Variants in CUL7 observed in about 807,000 individuals in gnomAD.
CUL7 encodes the protein cullin 7, also known as cullin-7.
In CUL7, 96 loss-of-function variants were observed where a neutral mutation model predicts 177.7. The ratio of observed to expected loss-of-function variants is 0.54; its 90% CI spans 0.46 to 0.64. CUL7 has a LOEUF of 0.64. Among genes scored for constraint, CUL7 ranks in the 30% least tolerant of loss-of-function variants. The pLI is 0.00. For missense variants in CUL7, 1,893 were observed against 2,187.9 expected, an observed-to-expected ratio of 0.87 and a Z score of 2.69; for synonymous variants, 824 against 890.2, an observed-to-expected ratio of 0.93 and a Z score of 1.32.
Position 43,052,903 on chromosome 6 carries a change from G to A in CUL7, c.-8-107C>T. Reference sequence around the variant, plus strand: ...GCAAATGGCAACAGCTGTCAGGCGGGGTGGGGTAAAGCCAGGCCCAGGAGT... The same window carrying A: ...GCAAATGGCAACAGCTGTCAGGCGGAGTGGGGTAAAGCCAGGCCCAGGAGT... On this transcript the variant is annotated intron_variant, in intron 1 of 25. Coordinates refer to ENST00000265348, the MANE Select transcript of CUL7 (RefSeq NM_014780.5). The surrounding 1 kb of genome is among the most constrained non-coding windows in gnomAD (Gnocchi z 4.5). The A allele has an allele frequency of 8.0e-7, 1 of 1,251,010 alleles. No individual in the cohort carries two copies. The highest frequency in any genetic ancestry group is 1.1e-6 in the Non-Finnish European group (1 of 889,206). 77.5% of individuals were successfully genotyped at this position (1,251,010 alleles called of 1,614,324 possible). A position where few individuals can be genotyped will look rare whatever the true frequency, so the allele number is the denominator to read the frequency against.
chr6:43,043,367 G>T lies in CUL7; in HGVS notation c.3355+81C>A. The T allele has an allele frequency of 1.4e-6, 2 of 1,420,818 alleles. No homozygotes were observed. The highest frequency in any genetic ancestry group is 9.9e-7 in the Non-Finnish European group (1 of 1,008,286). The allele number at this position is 1,420,818 out of a possible 1,614,324, so 88.0% of individuals were successfully genotyped here. On this transcript the variant is annotated intron_variant, in intron 17 of 25. Coordinates refer to ENST00000265348, the MANE Select transcript of CUL7 (RefSeq NM_014780.5). The surrounding 1 kb of genome is among the most constrained non-coding windows in gnomAD (Gnocchi z 4.2). ...CCATAGGGAGGGGAAGGATGGGGATGGACAGAAGCCTGTGGTGTACACATG... is the reference window on the plus strand; with the variant it reads ...CCATAGGGAGGGGAAGGATGGGGATTGACAGAAGCCTGTGGTGTACACATG...
At chr6:43,042,634 C>T (rs1032052682) in intron 19 of CUL7, among the ~76,000 whole-genome samples, 168 bp downstream of exon 19, 5 of 152,238 alleles carry the variant, frequency 3.3e-5, no homozygotes, top group Non-Finnish European at 5.9e-5. Flanking sequence ...AGCCACCACA[C>T]CTGGCCACTA....
At position 43,044,813 on chromosome 6, in the gene CUL7, A is replaced by C; in HGVS notation, c.3111T>G (p.Ala1037=). 1 of 1,613,954 alleles carries C rather than the reference A, an allele frequency of 6.2e-7. No individual in the cohort carries two copies. Among genetic ancestry groups the C allele is most frequent in the South Asian group, 1.1e-5 (1 of 91,066 alleles). ...GGGCCTCCCAGCAGGTCTTGCCCAG[A>C]GCTTGGGCAGCCTCGTCATCAGGGA... ...RFLPDDEAAQ[A]LGKTCWEALV... The change falls in exon 16 of 26, where the codon GCT becomes GCG. Residue 1037 remains alanine (A), a synonymous_variant. Transcript: ENST00000265348.
At chr6:43,042,337 G>GT (rs990850609) in intron 19 of CUL7, among the ~76,000 whole-genome samples, 3 of 151,512 alleles carry the variant, frequency 2.0e-5, no homozygotes, top group Non-Finnish European at 2.9e-5. Context: ...GGGTTTTTTT[G>GT]TTTTTTTCTT....
In CUL7 at chr6:43,045,115, C is replaced by T; in HGVS notation, c.3038+112G>A. On this transcript the variant is annotated intron_variant, in intron 15 of 25. Transcript: ENST00000265348. The surrounding 1 kb of genome is among the most constrained non-coding windows in gnomAD (Gnocchi z 4.8). ...AGCTCAGAAAACTCCAGCCCCCTCC[C>T]CACGCATATTAAACCTCCATCTCAC... 7.0e-6 allele frequency: 10 copies of T among 1,424,778 alleles called. No individual in the cohort carries two copies. Among genetic ancestry groups the T allele is most frequent in the Non-Finnish European group, 9.6e-6 (10 of 1,037,242 alleles). The allele number at this position is 1,424,778 out of a possible 1,614,324, so 88.3% of individuals were successfully genotyped here. A position where few individuals can be genotyped will look rare whatever the true frequency, so the allele number is the denominator to read the frequency against.
In CUL7 at chr6:43,046,083, G is replaced by A; in HGVS notation, c.2669C>T (p.Thr890Ile). 1 of 1,614,144 alleles carries A rather than the reference G, an allele frequency of 6.2e-7. No homozygotes were observed. Among genetic ancestry groups the A allele is most frequent in the African/African-American group, 1.3e-5 (1 of 75,048 alleles). Residue 890 changes from threonine to isoleucine, a missense_variant, in exon 13 of 26, where the codon ACT (threonine) becomes ATT (isoleucine). Thr to Ile is a moderately conservative substitution (Grantham distance 89). This residue lies in a region of CUL7 where 973 missense variants were observed against 1,140.9 expected (regional missense o/e 0.85). Coordinates refer to ENST00000265348, the MANE Select transcript of CUL7 (RefSeq NM_014780.5). Reference sequence around the variant, plus strand: ...CGAGTCCTCACTAGCCACAAGCAGAGTCAGTTGCCTGGGAGTGGGGAGGAA... The same window carrying A: ...CGAGTCCTCACTAGCCACAAGCAGAATCAGTTGCCTGGGAGTGGGGAGGAA... Reference protein sequence around the residue: ...MRRGILIRQLTLLVASEDSSY... With the variant: ...MRRGILIRQLILLVASEDSSY...
chr6:43,046,937 C>T lies in CUL7; in HGVS notation c.2340G>A (p.Glu780=). The stretch of plus-strand genomic sequence containing the variant: ...GTTTGCGGTAGAGGTGGGCATGCTT[C>T]TCACACTTGAACACCATGTCCCGCA... ...QELRDMVFKC[E]KHAHLYRKLI... Residue 780 remains glutamate, a synonymous_variant, in exon 10 of 26, where the codon GAG becomes GAA. Transcript: ENST00000265348. 1 of 1,613,636 alleles carries T rather than the reference C, an allele frequency of 6.2e-7. No homozygotes were observed. Among genetic ancestry groups the T allele is most frequent in the Non-Finnish European group, 8.5e-7 (1 of 1,179,552 alleles).
rs1447755489 is a variant in CUL7 at position 43,043,760 on chromosome 6, G to C, written c.3173-130C>G. On this transcript the variant is annotated intron_variant, in intron 16 of 25. Transcript: ENST00000265348. This position sits in a 1 kb window ranked among gnomAD's most constrained non-coding sequence, Gnocchi z 4.2. ...ACAAGGAAGGGGGGCCAGGTAGGGT[G>C]GTTTACGCCTGTAATCCCAGCACTT... The C allele has an allele frequency of 4.1e-6, 3 of 723,568 alleles. No individual in the cohort carries two copies. The highest frequency in any genetic ancestry group is 3.5e-5 in the African/African-American group (2 of 57,474). The allele number at this position is 723,568 out of a possible 1,614,324, so 44.8% of individuals were successfully genotyped here.
Position 43,043,316 on chromosome 6 carries a change from A to C in CUL7, c.3355+132T>G. ...TGATGTTCATGGATGGAGGTGACAC[A>C]AACCTGGAAGATGAACAGGCTGAGC... On this transcript the variant is annotated intron_variant, in intron 17 of 25. Coordinates refer to ENST00000265348, the MANE Select transcript of CUL7 (RefSeq NM_014780.5). This position sits in a 1 kb window ranked among gnomAD's most constrained non-coding sequence, Gnocchi z 4.2. 6 of 1,214,490 alleles carry C rather than the reference A, an allele frequency of 4.9e-6. No homozygotes were observed. The allele number at this position is 1,214,490 out of a possible 1,614,324, so 75.2% of individuals were successfully genotyped here. A position where few individuals can be genotyped will look rare whatever the true frequency, so the allele number is the denominator to read the frequency against.
chr6:43,042,648 A>T (rs757396777), intron 19 of CUL7, among the ~76,000 whole-genome samples, 154 bp downstream of exon 19: 2 of 151,842 alleles, frequency 1.3e-5, no homozygotes, highest in Non-Finnish European at 2.9e-5. Flanking sequence ...GCCACTATTT[A>T]TTTTTTTCAA....
rs752053486 is a variant in CUL7 at position 43,046,291 on chromosome 6, C to T, written c.2605G>A (p.Gly869Ser). ...GTGATGTAGTGGGAGCCGGCGCTGC[C>T]GTTGGACTCCCAATAGGTCTTGGGG... is the stretch of plus-strand genomic sequence containing the variant. Reference protein sequence around the residue: ...HNPKTYWESNGSAGSHYITLH... With the variant: ...HNPKTYWESNSSAGSHYITLH... Residue 869 changes from glycine (G) to serine (S), a missense_variant, in exon 12 of 26, where the codon GGC (glycine) becomes AGC (serine). Gly to Ser is a moderately conservative substitution (Grantham distance 56). Coordinates refer to ENST00000265348, the MANE Select transcript of CUL7 (RefSeq NM_014780.5). The T allele has an allele frequency of 1.3e-5, 21 of 1,614,056 alleles. No homozygotes were observed. Among genetic ancestry groups the T allele is most frequent in the Middle Eastern group, 1.6e-4 (1 of 6,074 alleles).
chr6:43,037,988 G>T lies in CUL7; in HGVS notation c.4797C>A (p.Gly1599=). 1 of 1,594,212 alleles carries T rather than the reference G, an allele frequency of 6.3e-7. No homozygotes were observed. Among genetic ancestry groups the T allele is most frequent in the South Asian group, 1.1e-5 (1 of 87,858 alleles). Residue 1599 remains glycine (G), a synonymous_variant, in exon 26 of 26, where the codon GGC becomes GGA. Transcript: ENST00000265348. The part of the protein sequence containing the change: ...VCLVLEAWQK[G]PCPPRGLVSS... The stretch of plus-strand genomic sequence containing the variant: ...TGACCAAACCCCTGGGAGGACACGG[G>T]CCCTTCTGCCAAGCCTCCAGCACCT...
rs377606153 is a variant in CUL7, at chr6:43,052,161, G to A, written c.580+48C>T. On this transcript the variant is annotated intron_variant, in intron 2 of 25. Coordinates refer to ENST00000265348, the MANE Select transcript of CUL7 (RefSeq NM_014780.5). The surrounding 1 kb of genome is among the most constrained non-coding windows in gnomAD (Gnocchi z 4.5). ...ACAGTGTCCTGTGAGTCCCTGAGCCGACCCAGCCCTTCTCCTGCTTTCCCT... is the reference window on the plus strand; with the variant it reads ...ACAGTGTCCTGTGAGTCCCTGAGCCAACCCAGCCCTTCTCCTGCTTTCCCT... 70 of 1,608,996 alleles carry A rather than the reference G, an allele frequency of 4.4e-5. No homozygotes were observed. The Middle Eastern group carries it at 1.6e-3, about 38-fold the overall frequency.
intron 25 of CUL7, 86 bp downstream of exon 25, chr6:43,038,181 C>T (rs991740222): frequency 3.3e-6 from 5 of 1,530,694 alleles, no homozygotes; most frequent in Non-Finnish European, 4.5e-6. Context: ...CCAGGTGCCT[C>T]ACCACACGTG....
In CUL7 at chr6:43,045,558, A is replaced by G. The variant is rs538801316; in HGVS notation, c.2862+29T>C. ...TTATGGGGCTCAGAGCCCCCTACCC[A>G]GGGCCACACCCCACATCCCTGGCCC... On this transcript the variant is annotated intron_variant, in intron 14 of 25. Coordinates refer to ENST00000265348, the MANE Select transcript of CUL7 (RefSeq NM_014780.5). The surrounding 1 kb of genome is among the most constrained non-coding windows in gnomAD (Gnocchi z 4.8). The G allele has an allele frequency of 1.9e-6, 3 of 1,613,498 alleles. No homozygotes were observed. Among genetic ancestry groups the G allele is most frequent in the African/African-American group, 1.3e-5 (1 of 74,916 alleles).
Position 43,050,003 on chromosome 6 carries a change from T to C in CUL7, c.1529A>G (p.Gln510Arg). 1.2e-6 allele frequency: 2 copies of C among 1,614,210 alleles called. No individual in the cohort carries two copies. The highest frequency in any genetic ancestry group is 1.7e-6 in the Non-Finnish European group (2 of 1,180,038). The change falls in exon 6 of 26, where the codon CAG becomes CGG. Residue 510 changes from glutamine to arginine, a missense_variant. Physicochemically the swap from Gln to Arg is conservative, Grantham distance 43. Coordinates refer to ENST00000265348, the MANE Select transcript of CUL7 (RefSeq NM_014780.5). The surrounding 1 kb of genome is among the most constrained non-coding windows in gnomAD (Gnocchi z 4.1). The stretch of plus-strand genomic sequence containing the variant: ...CTCCTGGAGGATCTGGAGAACCTCC[T>C]GATGGTCAGGTCCATCCAGCTTCTT... ...FIKKLDGPDH[Q>R]EVLQILQENL...
chr6:43,045,531 G>C lies in CUL7; in HGVS notation c.2862+56C>G. ...TGGTCCTCTGGCTTAAGATCTGCCT[G>C]TTTATGGGGCTCAGAGCCCCCTACC... On this transcript the variant is annotated intron_variant, in intron 14 of 25. Coordinates refer to ENST00000265348, the MANE Select transcript of CUL7 (RefSeq NM_014780.5). This position sits in a 1 kb window ranked among gnomAD's most constrained non-coding sequence, Gnocchi z 4.8. 1 of 1,613,364 alleles carries C rather than the reference G, an allele frequency of 6.2e-7. No homozygotes were observed. Among genetic ancestry groups the C allele is most frequent in the Non-Finnish European group, 8.5e-7 (1 of 1,179,428 alleles).
At position 43,050,078 on chromosome 6, in the gene CUL7, T is replaced by A; in HGVS notation, c.1454A>T (p.Glu485Val). Residue 485 changes from glutamate (E) to valine (V), a missense_variant, in exon 6 of 26, where the codon GAG becomes GTG. By Grantham distance (121) the Glu-to-Val change is moderately radical (BLOSUM62 -2). This residue lies in a region of CUL7 where 653 missense variants were observed against 725.2 expected (regional missense o/e 0.90). Transcript: ENST00000265348. The surrounding 1 kb of genome is among the most constrained non-coding windows in gnomAD (Gnocchi z 4.1). ...YVLPEDEDTE[E>V]CEHLTLAEWW... ...CTCAGCCAGGGTCAGGTGTTCACAC[T>A]CCTCAGTGTCCTCATCCTCAGGCAG... 6.2e-7 allele frequency: 1 copy of A among 1,614,170 alleles called. No individual in the cohort carries two copies. Among genetic ancestry groups the A allele is most frequent in the Non-Finnish European group, 8.5e-7 (1 of 1,180,034 alleles).
In CUL7 at chr6:43,045,834, G is replaced by A; in HGVS notation, c.2766+152C>T. ...CCTCATGCCACCCTCATTGTTCAGG[G>A]CCTGGTGGCACAAGCACAGGGATAA... On this transcript the variant is annotated intron_variant, in intron 13 of 25. Transcript: ENST00000265348. The surrounding 1 kb of genome is among the most constrained non-coding windows in gnomAD (Gnocchi z 4.8). The A allele has an allele frequency of 1.9e-6, 2 of 1,078,980 alleles. No individual in the cohort carries two copies. The highest frequency in any genetic ancestry group is 1.4e-6 in the Non-Finnish European group (1 of 714,414). 66.8% of individuals were successfully genotyped at this position (1,078,980 alleles called of 1,614,324 possible).
Sources: gnomAD v4.1 joint callset for allele counts (sites outside exome capture counted in the v4.1 genomes callset) on GRCh38, gnomAD v4.1.1 for gene constraint, gnomAD v4.1.1 regional missense constraint, Gnocchi (gnomAD v3.1) non-coding constraint, MANE v1.5 for transcripts, NCBI Gene and HGNC (gene_info 2026-07-23, HGNC 2026-07-21) for gene names.